Variants in ANXA10 observed in about 807,000 individuals in gnomAD.
ANXA10 encodes the protein annexin A10, also known as annexin 14.
In ANXA10, 49 loss-of-function variants were observed where a neutral mutation model predicts 53.5. The observed-to-expected ratio is 0.92, with a 90% CI of 0.73 to 1.16. ANXA10 has a LOEUF of 1.16. Among genes scored for constraint, ANXA10 ranks in the 50% most tolerant of loss-of-function variants. ANXA10 has a pLI of 0.00. For synonymous variants in ANXA10, 131 were observed against 128.9 expected, an observed-to-expected ratio of 1.02 and a Z score of -0.11; for missense variants, 393 against 394.4, an observed-to-expected ratio of 1.00 and a Z score of 0.03.
At chr4:168,155,308 A>T (rs1345976375) in intron 3 of ANXA10, among the ~76,000 whole-genome samples, 1 of 131,706 alleles carries the variant, frequency 7.6e-6, no homozygotes, top group Non-Finnish European at 1.5e-5. Context: ...GCCCTTAGTA[A>T]TATATATATT....
chr4:168,133,169 G>A (rs1243181958), intron 2 of ANXA10, among the ~76,000 whole-genome samples: 1 of 152,026 alleles, frequency 6.6e-6, no homozygotes, highest in African/African-American at 2.4e-5. Context: ...GCATAGTGCT[G>A]AAGTACTGCC....
chr4:168,122,235 G>A (rs981879524), intron 1 of ANXA10, among the ~76,000 whole-genome samples: 1 of 152,160 alleles, frequency 6.6e-6, no homozygotes, highest in Admixed American at 6.5e-5. Context: ...GATCAGTGGT[G>A]TCTTAATATT....
At chr4:168,168,338 A>G (rs1480410503) in intron 6 of ANXA10, among the ~76,000 whole-genome samples, 1 of 152,194 alleles carries the variant, frequency 6.6e-6, no homozygotes, top group Non-Finnish European at 1.5e-5. Context: ...AAGGAGGCCT[A>G]CTTAATATCA....
chr4:168,164,266 G>C lies in ANXA10; in HGVS notation c.378G>C (p.Gln126His). ...CAAGAACAAATGGAGAAATTTTCCA[G>C]ATGCGAGAAGCCTACTGCTTGCGTA... ...LASRTNGEIF[Q>H]MREAYCLQYS... Residue 126 changes from glutamine (Q) to histidine (H), a missense_variant, in exon 5 of 12, where the codon CAG (glutamine) becomes CAC (histidine). Transcript: ENST00000359299. The C allele has an allele frequency of 1.2e-6, 2 of 1,612,378 alleles. No homozygotes were observed. The highest frequency in any genetic ancestry group is 1.7e-6 in the Non-Finnish European group (2 of 1,178,744).
chr4:168,110,525 A>G (rs553729573), intron 1 of ANXA10, among the ~76,000 whole-genome samples: 2 of 151,566 alleles, frequency 1.3e-5, no homozygotes, highest in Admixed American at 6.6e-5. Flanking sequence ...CATTTAAAAT[A>G]GTTTAAGGTA....
chr4:168,128,737 G>A (rs79355019), intron 2 of ANXA10, among the ~76,000 whole-genome samples: 1 of 151,842 alleles, frequency 6.6e-6, no homozygotes, highest in Non-Finnish European at 1.5e-5. Context: ...AATCAGCTAT[G>A]CCAACCCCCC....
intron 6 of ANXA10, among the ~76,000 whole-genome samples, chr4:168,175,881 A>C (rs1732117286): frequency 6.6e-6 from 1 of 152,200 alleles, no homozygotes; most frequent in Non-Finnish European, 1.5e-5. Context: ...TTTGTGAATA[A>C]ATTGCACTTT....
In ANXA10 at chr4:168,115,524, C is replaced by CA. The variant is rs1310181633; in HGVS notation, c.19-12559dup. Among the ~76,000 whole-genome samples the CA allele has an allele frequency of 7.2e-5, 11 of 151,798 alleles. No individual in the cohort carries two copies. In the East Asian group the frequency reaches 2.1e-3, roughly 29 times the overall value. On this transcript the variant is annotated intron_variant, in intron 1 of 11. Coordinates refer to ENST00000359299, the MANE Select transcript of ANXA10 (RefSeq NM_007193.5). ...ACACACACACACACACACACACACA[C>CA]ACACACACACACACTCCCCTCTTTC...
chr4:168,157,907 T>C (rs1731717149), intron 3 of ANXA10, among the ~76,000 whole-genome samples: 1 of 152,212 alleles, frequency 6.6e-6, no homozygotes, highest in African/African-American at 2.4e-5. Flanking sequence ...AAATGTGCTA[T>C]AAATATTCCT....
intron 3 of ANXA10, among the ~76,000 whole-genome samples, chr4:168,142,105 C>T (rs539557509): frequency 2.9e-4 from 44 of 152,152 alleles, no homozygotes; most frequent in Non-Finnish European, 5.1e-4. Context: ...CCACCCGCTA[C>T]AGCATTAGGG....
At chr4:168,170,313 T>C (rs1399538671) in intron 6 of ANXA10, among the ~76,000 whole-genome samples, 8 of 152,154 alleles carry the variant, frequency 5.3e-5, no homozygotes, top group Non-Finnish European at 1.2e-4. Flanking sequence ...TCAAAAAATG[T>C]AGCACCTATA....
chr4:168,157,507 A>T (rs1436907388), intron 3 of ANXA10, among the ~76,000 whole-genome samples: 1 of 151,896 alleles, frequency 6.6e-6, no homozygotes, highest in African/African-American at 2.4e-5. Context: ...ACCTGACTCT[A>T]CCTGTCTCAG....
chr4:168,138,576 G>T (rs1230229414), intron 2 of ANXA10, among the ~76,000 whole-genome samples: 1 of 152,062 alleles, frequency 6.6e-6, no homozygotes, highest in African/African-American at 2.4e-5. Flanking sequence ...GGCTATTCAG[G>T]CCCTTTTTTG....
chr4:168,147,776 T>TG (rs1731429006), intron 3 of ANXA10, among the ~76,000 whole-genome samples: 1 of 152,200 alleles, frequency 6.6e-6, no homozygotes, highest in Admixed American at 6.5e-5. Context: ...CACATATCCT[T>TG]GAGTCCTCCT....
intron 4 of ANXA10, 85 bp downstream of exon 4, chr4:168,162,726 A>G: frequency 1.0e-6 from 1 of 957,154 alleles, no homozygotes; most frequent in Admixed American, 1.9e-5. Flanking sequence ...ATGCTCCTAC[A>G]TACTTATATG....
Position 168,116,285 on chromosome 4 carries a change from C to T in ANXA10, c.19-11799C>T, listed in dbSNP as rs377509212. 2.6e-4 allele frequency among the ~76,000 whole-genome samples: 39 copies of T among 152,128 alleles called. No homozygotes were observed. In the East Asian group the frequency reaches 3.9e-3, roughly 15 times the overall value. Reference sequence around the variant, plus strand: ...TTGAATCTAAGAAATCACTATTAAACGGTCTATTGGCAAGCATGAGTAAAA... The same window carrying T: ...TTGAATCTAAGAAATCACTATTAAATGGTCTATTGGCAAGCATGAGTAAAA... On this transcript the variant is annotated intron_variant, in intron 1 of 11. Transcript: ENST00000359299.
intron 1 of ANXA10, among the ~76,000 whole-genome samples, chr4:168,098,726 A>G (rs1386709026): frequency 3.9e-5 from 6 of 151,982 alleles, no homozygotes; most frequent in African/African-American, 1.5e-4. Flanking sequence ...AGTTATGAAT[A>G]TATTCTTCCT....
chr4:168,111,379 T>C (rs910868589), intron 1 of ANXA10, among the ~76,000 whole-genome samples: 1 of 152,188 alleles, frequency 6.6e-6, no homozygotes, highest in African/African-American at 2.4e-5. Context: ...ACTAGGCCTT[T>C]TAACCACTTT....
intron 1 of ANXA10, among the ~76,000 whole-genome samples, chr4:168,108,835 C>G (rs1285988843): frequency 6.6e-6 from 1 of 152,130 alleles, no homozygotes; most frequent in Non-Finnish European, 1.5e-5. Context: ...TGGGTGGTCT[C>G]CTTTATGCTG....
Sources: allele counts gnomAD v4.1 joint callset (sites outside exome capture counted in the v4.1 genomes callset), GRCh38; gene constraint gnomAD v4.1.1; transcripts MANE v1.5; gene names NCBI Gene and HGNC (gene_info 2026-07-23, HGNC 2026-07-21).